CSPP1: variants seen among roughly 807,000 people sequenced by gnomAD.
CSPP1 encodes centrosome and spindle pole associated protein 1, also known as centrosome and spindle pole-associated protein 1.
CSPP1 carries 126 observed loss-of-function variants against 164.4 expected under a neutral mutation model. The ratio of observed to expected loss-of-function variants is 0.77; its 90% confidence interval spans 0.66 to 0.89. The LOEUF (loss-of-function observed/expected upper bound fraction) is 0.89. CSPP1 is among the 40% of genes least tolerant of loss of function. The pLI, the probability that CSPP1 is intolerant of heterozygous loss-of-function variation, is 0.00. For synonymous variants in CSPP1, 472 were observed against 476.7 expected, an observed-to-expected ratio of 0.99 and a Z score of 0.13; for missense variants, 1,395 against 1,449.8, an observed-to-expected ratio of 0.96 and a Z score of 0.61.
chr8:67,186,099 C>G (rs940146870), intron 28 of CSPP1, among the ~76,000 whole-genome samples: 1 of 152,148 alleles, frequency 6.6e-6, no homozygotes, highest in Non-Finnish European at 1.5e-5. Context: ...TGGAGGAAGT[C>G]TCTTTAGGAA....
At chr8:67,126,137 A>C (rs548181167) in intron 15 of CSPP1, among the ~76,000 whole-genome samples, 1 of 152,276 alleles carries the variant, frequency 6.6e-6, no homozygotes, top group East Asian at 1.9e-4. Flanking sequence ...CAGCCACTTT[A>C]TTTCTTTAGA....
chr8:67,179,693 G>C (rs1832557157), intron 27 of CSPP1, among the ~76,000 whole-genome samples, 170 bp from the exon 28 acceptor site: 1 of 152,172 alleles, frequency 6.6e-6, no homozygotes, highest in Non-Finnish European at 1.5e-5. Context: ...AATTGTGTGT[G>C]TTAAGGCTTT....
intron 16 of CSPP1, among the ~76,000 whole-genome samples, chr8:67,137,183 G>A (rs894268969): frequency 3.9e-5 from 6 of 151,922 alleles, no homozygotes; most frequent in African/African-American, 7.3e-5. Flanking sequence ...GGTTTTGCAT[G>A]TTGGCCAGGC....
chr8:67,176,210 C>T (rs905558098), intron 26 of CSPP1, among the ~76,000 whole-genome samples: 4 of 151,878 alleles, frequency 2.6e-5, no homozygotes, highest in African/African-American at 7.3e-5. Flanking sequence ...TTCAGGCCAT[C>T]GAGGTTAACC....
At chr8:67,093,778 C>A in intron 6 of CSPP1, 137 bp downstream of exon 6, 1 of 477,988 alleles carries the variant, frequency 2.1e-6, no homozygotes, top group Non-Finnish European at 3.7e-6. Context: ...TTAAACCAAA[C>A]ACAGGACATT....
intron 17 of CSPP1, among the ~76,000 whole-genome samples, chr8:67,148,746 T>C (rs1446184640): frequency 1.3e-5 from 2 of 152,242 alleles, no homozygotes; most frequent in Non-Finnish European, 2.9e-5. Flanking sequence ...TTGCAGTTTT[T>C]TGGTTTGTTT....
chr8:67,194,848 C>T (rs985869979), intron 30 of CSPP1, among the ~76,000 whole-genome samples: 6 of 152,126 alleles, frequency 3.9e-5, no homozygotes, highest in Admixed American at 1.3e-4. Context: ...TGACTGGACA[C>T]GGCCTTGTTA....
intron 15 of CSPP1, among the ~76,000 whole-genome samples, chr8:67,131,429 G>A (rs1821213441): frequency 2.6e-5 from 4 of 152,156 alleles, no homozygotes; most frequent in Non-Finnish European, 5.9e-5. Context: ...TGTGATTTAT[G>A]TAACAACAAT....
intron 30 of CSPP1, among the ~76,000 whole-genome samples, chr8:67,194,567 A>G (rs1194485161): frequency 1.3e-5 from 2 of 152,154 alleles, no homozygotes; most frequent in African/African-American, 2.4e-5. Flanking sequence ...GCATTTTAAG[A>G]ATCTTTTTCA....
chr8:67,178,614 G>A (rs562496322), intron 27 of CSPP1, among the ~76,000 whole-genome samples: 2 of 152,308 alleles, frequency 1.3e-5, no homozygotes, highest in East Asian at 3.9e-4. Context: ...AATACAGTGG[G>A]CATGGGGGCT....
At position 67,193,686 on chromosome 8, in the gene CSPP1, A is replaced by C. The variant is rs1168557089; in HGVS notation, c.3469+84A>C. On this transcript the variant is annotated intron_variant, in intron 30 of 30. Transcript: ENST00000678616. ...TACTCAAGGCTTTCACTAACGTCTG[A>C]GGGATAGATGGAATGAGTTTGAAGA... 3 of 1,225,876 alleles carry C rather than the reference A, an allele frequency of 2.4e-6. No individual in the cohort carries two copies. In the South Asian group the frequency reaches 4.1e-5, roughly 17 times the overall value. The allele number at this position is 1,225,876 out of a possible 1,614,324, so 75.9% of individuals were successfully genotyped here. A position where few individuals can be genotyped will look rare whatever the true frequency, so the allele number is the denominator to read the frequency against.
intron 9 of CSPP1, among the ~76,000 whole-genome samples, chr8:67,107,248 A>G (rs1199633233): frequency 2.6e-5 from 4 of 152,026 alleles, no homozygotes; most frequent in Admixed American, 1.3e-4. Context: ...GGGTTTCACC[A>G]TGTTGGCCAG....
intron 8 of CSPP1, among the ~76,000 whole-genome samples, chr8:67,103,940 TTATGCCTACTTTGTAAAATTAGTGCTCA>T (rs1328266100): frequency 1.4e-4 from 22 of 152,134 alleles, no homozygotes; most frequent in African/African-American, 2.7e-4. Context: ...TAGATAGCTT[TTATGCCTACTTTGTAAAATTAGTGCTCA>T]TATATTTCTG....
intron 28 of CSPP1, among the ~76,000 whole-genome samples, chr8:67,186,469 A>T (rs1303957859): frequency 6.6e-6 from 1 of 152,124 alleles, no homozygotes; most frequent in Admixed American, 6.6e-5. Context: ...CTATGCCCAC[A>T]AATCTGATAA....
At chr8:67,068,915 G>T (rs1439097213) in intron 1 of CSPP1, among the ~76,000 whole-genome samples, 1 of 152,124 alleles carries the variant, frequency 6.6e-6, no homozygotes, top group Non-Finnish European at 1.5e-5. Context: ...TGATGTGAAT[G>T]ACTACTGCTT....
At chr8:67,192,737 A>G (rs1369936413) in intron 29 of CSPP1, among the ~76,000 whole-genome samples, 1 of 152,186 alleles carries the variant, frequency 6.6e-6, no homozygotes, top group African/African-American at 2.4e-5. Flanking sequence ...GTGGCCATCC[A>G]GTTGTTCTAG....
chr8:67,152,224 G>C (rs1825850363), intron 18 of CSPP1, among the ~76,000 whole-genome samples: 1 of 151,838 alleles, frequency 6.6e-6, no homozygotes, highest in East Asian at 1.9e-4. Flanking sequence ...TGTACACACA[G>C]ACACACATAT....
chr8:67,168,585 A>C (rs1405194789), intron 24 of CSPP1, among the ~76,000 whole-genome samples: 3 of 152,244 alleles, frequency 2.0e-5, no homozygotes, highest in Admixed American at 2.0e-4. Context: ...CTTAAGTTAT[A>C]AAACATGTTA....
At chr8:67,192,640 C>T (rs1331603361) in intron 29 of CSPP1, among the ~76,000 whole-genome samples, 1 of 152,086 alleles carries the variant, frequency 6.6e-6, no homozygotes, top group African/African-American at 2.4e-5. Context: ...TGTTTTCTTT[C>T]AGTTTGTTCT....
Sources: gnomAD v4.1 joint callset for allele counts (sites outside exome capture counted in the v4.1 genomes callset) on GRCh38, gnomAD v4.1.1 for gene constraint, MANE v1.5 for transcripts, NCBI Gene and HGNC (gene_info 2026-07-23, HGNC 2026-07-21) for gene names.